The following DPP3 variants were observed in gnomAD, a reference collection of about 807,000 sequenced individuals.
DPP3 encodes dipeptidyl peptidase 3.
A neutral mutation model predicts 89.8 loss-of-function variants in DPP3; 64 were observed. That is an observed-to-expected ratio of 0.71 (90% CI 0.58 to 0.88). The LOEUF (loss-of-function observed/expected upper bound fraction) is 0.88, where lower values mean the gene tolerates loss of function less well. DPP3 is among the 40% of genes least tolerant of loss of function. The pLI is 0.00. For synonymous variants in DPP3, 377 were observed against 404.3 expected (o/e 0.93, Z 0.81); for missense variants, 835 against 972.5 (o/e 0.86, Z 1.88).
At chr11:66,480,532 A>G in intron 1 of DPP3, 67 bp downstream of exon 1, 2 of 1,442,054 alleles carry the variant, frequency 1.4e-6, no homozygotes, top group Non-Finnish European at 1.8e-6. Flanking sequence ...GCGAATCCAT[A>G]CTGAGCGCAA....
intron 6 of DPP3, 124 bp from the exon 7 acceptor site, chr11:66,491,129 T>C: frequency 6.9e-7 from 1 of 1,451,286 alleles, no homozygotes; most frequent in Non-Finnish European, 9.4e-7. Context: ...AGGGAGCCAT[T>C]GAAAATCTTA....
rs1855106875 is a variant in DPP3 at position 66,482,267 on chromosome 11, T to G, written c.67T>G (p.Phe23Val). ...GVSSLDCREA[F>V]RLLSPTERLY... ...GTCTAGCCTGGACTGCCGTGAGGCC[T>G]TCCGCCTGCTGTCACCCACAGAGCG... The change falls in exon 2 of 18, where the codon TTC (phenylalanine) becomes GTC (valine). Residue 23 changes from phenylalanine (F) to valine (V), a missense_variant. By Grantham distance (50) the Phe-to-Val change is conservative (BLOSUM62 -1). Coordinates refer to ENST00000531863, the MANE Select transcript of DPP3 (RefSeq NM_130443.4). 1.9e-6 allele frequency: 3 copies of G among 1,614,078 alleles called. No individual in the cohort carries two copies. The highest frequency in any genetic ancestry group is 1.7e-6 in the Non-Finnish European group (2 of 1,180,038).
At chr11:66,491,846 C>G (rs1233775673) in intron 9 of DPP3, 90 bp downstream of exon 9, 2 of 1,394,402 alleles carry the variant, frequency 1.4e-6, no homozygotes, top group Admixed American at 3.4e-5. Context: ...CTCCCCACCC[C>G]CGCTCAGCCA....
chr11:66,494,310 C>T (rs1415873137), intron 12 of DPP3, among the ~76,000 whole-genome samples: 6 of 151,412 alleles, frequency 4.0e-5, no homozygotes, highest in African/African-American at 7.3e-5. Flanking sequence ...CCTCCGAGGG[C>T]GGGGTTCTGG....
chr11:66,481,180 T>A (rs1349159161), intron 1 of DPP3, among the ~76,000 whole-genome samples: 1 of 152,016 alleles, frequency 6.6e-6, no homozygotes, highest in Non-Finnish European at 1.5e-5. Context: ...GTGAGCACAG[T>A]GGAAAGTGTA....
At position 66,509,176 on chromosome 11, in the gene DPP3, G is replaced by C. The variant is rs766194156; in HGVS notation, c.2139G>C (p.Glu713Asp). Residue 713 changes from glutamate (E) to aspartate (D), a missense_variant, in exon 18 of 18, where the codon GAG becomes GAC. Glu to Asp is a conservative substitution (Grantham distance 45). Transcript: ENST00000531863. ...CAGAGGATGGACCCGAGTTGGAGGA[G>C]ATCCTCACACAGCTGGCCACAGCCG... ...RFPEDGPELE[E>D]ILTQLATADA... 3.1e-6 allele frequency: 5 copies of C among 1,614,208 alleles called. No individual in the cohort carries two copies. Among genetic ancestry groups the C allele is most frequent in the Non-Finnish European group, 4.2e-6 (5 of 1,180,042 alleles).
At chr11:66,493,258 G>A in intron 11 of DPP3, 79 bp downstream of exon 11, 1 of 1,282,346 alleles carries the variant, frequency 7.8e-7, no homozygotes, top group Non-Finnish European at 1.1e-6. Flanking sequence ...GCCCAGAGCA[G>A]TAGAGAGGAA....
At chr11:66,492,501 AG>A in intron 9 of DPP3, 1 of 523,480 alleles carries the variant, frequency 1.9e-6, no homozygotes, top group Non-Finnish European at 3.2e-6. Flanking sequence ...CAGGCGGCCC[AG>A]GGGCCTGAGG....
chr11:66,495,372 G>T lies in DPP3; in HGVS notation c.1460G>T (p.Ser487Ile). Residue 487 changes from serine to isoleucine, a missense_variant, in exon 14 of 18, where the codon AGC becomes ATC. Ser to Ile is a moderately radical substitution (Grantham distance 142). Coordinates refer to ENST00000531863, the MANE Select transcript of DPP3 (RefSeq NM_130443.4). ...INPETGEQIQ[S>I]WYRSGETWDS... ...GTGGAGCTCCTTTTCCAGATTCAGAGCTGGTATCGGAGCGGGGAGACCTGG... is the reference window on the plus strand; with the variant it reads ...GTGGAGCTCCTTTTCCAGATTCAGATCTGGTATCGGAGCGGGGAGACCTGG... The T allele has an allele frequency of 6.2e-7, 1 of 1,613,928 alleles. No individual in the cohort carries two copies. The highest frequency in any genetic ancestry group is 8.5e-7 in the Non-Finnish European group (1 of 1,179,868).
chr11:66,487,970 C>G lies in DPP3; in HGVS notation c.630C>G (p.Pro210=), dbSNP rs1426935865. ...LFKEVDGEGK[P]YYEVRLASVL... is the part of the protein sequence containing the mutation. The stretch of plus-strand genomic sequence containing the variant: ...AAGAGGTCGATGGAGAAGGGAAGCC[C>G]TACTACGAGGTGCGGCTGGCTTCTG... The change falls in exon 6 of 18, where the codon CCC becomes CCG. Residue 210 remains proline (P), a synonymous_variant. Transcript: ENST00000531863. 2 of 1,613,982 alleles carry G rather than the reference C, an allele frequency of 1.2e-6. No homozygotes were observed. The highest frequency in any genetic ancestry group is 1.3e-5 in the African/African-American group (1 of 74,916).
chr11:66,481,995 A>G (rs1855096608), intron 1 of DPP3, 198 bp from the exon 2 acceptor site: 2 of 712,318 alleles, frequency 2.8e-6, no homozygotes, highest in Admixed American at 2.9e-5. Context: ...AATATGGTCC[A>G]CCAGTGTATT....
rs546681978 is a variant in DPP3, at chr11:66,501,543, G to A, written c.1879-3069G>A. Among the ~76,000 whole-genome samples the A allele has an allele frequency of 1.2e-4, 18 of 152,072 alleles. 1 individual carries two copies. The South Asian group carries it at 3.1e-3, about 26-fold the overall frequency. On this transcript the variant is annotated intron_variant, in intron 16 of 17. Coordinates refer to ENST00000531863, the MANE Select transcript of DPP3 (RefSeq NM_130443.4). ...TCACAATATATACAGTTCAAAAACCGGCCGGGCACAGTGGCTCACCACTGT... is the reference window on the plus strand; with the variant it reads ...TCACAATATATACAGTTCAAAAACCAGCCGGGCACAGTGGCTCACCACTGT...
intron 3 of DPP3, 34 bp downstream of exon 3, chr11:66,485,296 G>A (rs184459084): frequency 5.0e-6 from 8 of 1,600,114 alleles, no homozygotes; most frequent in South Asian, 4.4e-5. Context: ...AGGTGGGGAT[G>A]GGGGGCTGGT....
intron 16 of DPP3, among the ~76,000 whole-genome samples, chr11:66,503,953 C>T (rs999356891): frequency 2.6e-5 from 4 of 151,840 alleles, no homozygotes; most frequent in African/African-American, 9.7e-5. Flanking sequence ...ATCAAGGTAC[C>T]AGCTGGTTCA....
Position 66,495,186 on chromosome 11 carries a change from AC to A in DPP3, c.1390-17del, listed in dbSNP as rs762156647. 3 of 1,611,926 alleles carry A rather than the reference AC, an allele frequency of 1.9e-6. No homozygotes were observed. The East Asian group carries it at 6.7e-5, about 36-fold the overall frequency. ...ATCCAGTTGGGGGCGCCTTTCCCTC[AC>A]CCACCGTGTGTTCTGCAGGACGAAA... On this transcript the variant is annotated intron_variant, in intron 12 of 17. Transcript: ENST00000531863.
At position 66,493,085 on chromosome 11, in the gene DPP3, C is replaced by T. The variant is rs141664031; in HGVS notation, c.1202C>T (p.Thr401Met). 3.5e-5 allele frequency: 56 copies of T among 1,614,028 alleles called. No individual in the cohort carries two copies. In the Middle Eastern group the frequency reaches 6.6e-4, roughly 19 times the overall value. ...NIPNYDDLRQ[T>M]EGFKNVSLGN... ...TCTCCAGACGATGATCTGAGGCAGACGGAAGGCTTTAAGAACGTGTCGCTG... is the reference window on the plus strand; with the variant it reads ...TCTCCAGACGATGATCTGAGGCAGATGGAAGGCTTTAAGAACGTGTCGCTG... Residue 401 changes from threonine (T) to methionine (M), a missense_variant, in exon 11 of 18, where the codon ACG becomes ATG. By Grantham distance (81) the Thr-to-Met change is moderately conservative (BLOSUM62 -1). Coordinates refer to ENST00000531863, the MANE Select transcript of DPP3 (RefSeq NM_130443.4).
Position 66,487,260 on chromosome 11 carries a change from C to T in DPP3, c.499-8C>T. On this transcript the variant is annotated splice_region_variant and splice_polypyrimidine_tract_variant and intron_variant, in intron 4 of 17. Transcript: ENST00000531863. ...CCTCTTTCTCATGTCCCCTGTCTTC[C>T]CCAACAGGGAATCACCACCTATTTC... The T allele has an allele frequency of 1.9e-6, 3 of 1,613,830 alleles. No homozygotes were observed. The highest frequency in any genetic ancestry group is 1.1e-5 in the South Asian group (1 of 91,080).
At chr11:66,485,780 C>T (rs1482207055) in intron 3 of DPP3, among the ~76,000 whole-genome samples, 1 of 152,140 alleles carries the variant, frequency 6.6e-6, no homozygotes, top group Non-Finnish European at 1.5e-5. Flanking sequence ...GGGTCTTGCT[C>T]TGTCACCCAA....
At chr11:66,480,723 G>C in intron 1 of DPP3, 1 of 383,550 alleles carries the variant, frequency 2.6e-6, no homozygotes, top group Admixed American at 4.6e-5. Flanking sequence ...TGTCCCAGCC[G>C]GGACGGGGCG....
Sources: allele counts gnomAD v4.1 joint callset (sites outside exome capture counted in the v4.1 genomes callset), GRCh38; gene constraint gnomAD v4.1.1; transcripts MANE v1.5; gene names NCBI Gene and HGNC (gene_info 2026-07-23, HGNC 2026-07-21).